The following DHX9 variants were observed in gnomAD, a reference collection of about 807,000 sequenced individuals.
DHX9 encodes the protein DExH-box helicase 9.
Under a neutral mutation model 148.7 loss-of-function variants are expected in DHX9, and 27 were observed. The observed-to-expected ratio is 0.18, with a 90% CI of 0.13 to 0.25. The LOEUF is 0.25. DHX9 is among the 10% of genes least tolerant of loss of function. DHX9 has a pLI of 1.00. For synonymous variants in DHX9, 529 were observed against 516.6 expected, an observed-to-expected ratio of 1.02 and a Z score of -0.33; for missense variants, 796 against 1,559.6, an observed-to-expected ratio of 0.51 and a Z score of 8.25.
At chr1:182,872,756 C>T (rs763632881) in intron 15 of DHX9, among the ~76,000 whole-genome samples, 21 of 152,194 alleles carry the variant, frequency 1.4e-4, no homozygotes, top group Admixed American at 3.9e-4. Flanking sequence ...ACTTATAAAG[C>T]CAAACTTTTA....
At chr1:182,858,080 G>C (rs953563198) in intron 7 of DHX9, 24 bp from the exon 8 acceptor site, 3 of 1,600,294 alleles carry the variant, frequency 1.9e-6, no homozygotes, top group African/African-American at 1.3e-5. Context: ...CTTTCTGTCT[G>C]ATAATCCTGA....
chr1:182,841,062 C>G (rs1667918231), intron 1 of DHX9, among the ~76,000 whole-genome samples: 1 of 152,058 alleles, frequency 6.6e-6, no homozygotes, highest in African/African-American at 2.4e-5. Flanking sequence ...GAGGTTGAGG[C>G]GGGCCGATCA....
intron 3 of DHX9, among the ~76,000 whole-genome samples, chr1:182,846,639 CTG>C (rs1375932064): frequency 3.3e-5 from 5 of 152,284 alleles, no homozygotes; most frequent in South Asian, 4.1e-4. Context: ...ATGTGGTAGT[CTG>C]TGTTTTTAAG....
At chr1:182,869,863 T>G (rs924834684) in intron 14 of DHX9, among the ~76,000 whole-genome samples, 2 of 152,214 alleles carry the variant, frequency 1.3e-5, no homozygotes, top group African/African-American at 2.4e-5. Context: ...CCTGCCAAAG[T>G]GCTGGGATTT....
intron 3 of DHX9, among the ~76,000 whole-genome samples, chr1:182,847,984 ATGGCTCAGG>A (rs1668062585): frequency 6.6e-6 from 1 of 152,182 alleles, no homozygotes; most frequent in Admixed American, 6.5e-5. Flanking sequence ...TTGTTTTAAC[ATGGCTCAGG>A]TGTTTCCTAT....
chr1:182,849,078 C>T (rs529340509), intron 3 of DHX9, among the ~76,000 whole-genome samples: 7 of 152,320 alleles, frequency 4.6e-5, no homozygotes, highest in African/African-American at 1.7e-4. Context: ...CAAACTGTTA[C>T]CAGCTACCAT....
At chr1:182,839,677 TCTC>T (rs1227651461) in intron 1 of DHX9, 5 of 152,292 alleles carry the variant, frequency 3.3e-5, no homozygotes, top group East Asian at 1.9e-4. Flanking sequence ...CCCCCTCCCC[TCTC>T]CTCCGCCCAG....
chr1:182,844,779 A>C (rs2102588278), intron 3 of DHX9, among the ~76,000 whole-genome samples: 1 of 152,262 alleles, frequency 6.6e-6, no homozygotes, highest in Non-Finnish European at 1.5e-5. Flanking sequence ...GGCCTCCCAA[A>C]GTGCTGGGAT....
chr1:182,878,476 CTT>C (rs773433880), intron 20 of DHX9, among the ~76,000 whole-genome samples: 22 of 152,284 alleles, frequency 1.4e-4, no homozygotes, highest in Non-Finnish European at 8.8e-5. Context: ...CTTAACCTCT[CTT>C]GTTTCCTCAG....
intron 20 of DHX9, among the ~76,000 whole-genome samples, chr1:182,878,395 A>G (rs1307585324): frequency 2.6e-5 from 4 of 152,210 alleles, no homozygotes; most frequent in Admixed American, 1.3e-4. Context: ...ATTTGTGCCT[A>G]ATACATTGTA....
intron 26 of DHX9, among the ~76,000 whole-genome samples, chr1:182,884,246 G>A (rs981807159): frequency 6.6e-5 from 10 of 152,086 alleles, no homozygotes; most frequent in African/African-American, 2.4e-4. Context: ...ACTCCAGCGA[G>A]GGCAACAGAG....
intron 1 of DHX9, chr1:182,839,795 G>A (rs1237463917): frequency 1.3e-5 from 2 of 152,362 alleles, no homozygotes; most frequent in African/African-American, 4.8e-5. Context: ...CGCCTGTGGT[G>A]GTTGCCGCCG....
chr1:182,870,340 T>C (rs1648505040), intron 14 of DHX9, among the ~76,000 whole-genome samples: 1 of 152,356 alleles, frequency 6.6e-6, no homozygotes, highest in East Asian at 1.9e-4. Flanking sequence ...GATAGATTTA[T>C]GGCCCCAAAT....
At chr1:182,855,356 A>C (rs1417229617) in intron 6 of DHX9, among the ~76,000 whole-genome samples, 2 of 152,206 alleles carry the variant, frequency 1.3e-5, no homozygotes, top group Non-Finnish European at 2.9e-5. Context: ...GATTTCTGAT[A>C]CAAAGCAGTG....
In DHX9 at chr1:182,852,161, A is replaced by G. The variant is rs73063088; in HGVS notation, c.253-72A>G. The G allele has an allele frequency of 0.013, 11,430 of 892,608 alleles. 679 individuals are homozygous for G. The African/African-American group carries it at 0.15, about 12-fold the overall frequency. The allele number at this position is 892,608 out of a possible 1,614,324, so 55.3% of individuals were successfully genotyped here. ...GAGGTATGACACATGGGTCCTTTTA[A>G]GTATTAAAAGAATTTACTAGTCCCC... On this transcript the variant is annotated intron_variant, in intron 3 of 27. Coordinates refer to ENST00000367549, the MANE Select transcript of DHX9 (RefSeq NM_001357.5).
chr1:182,864,075 G>C (rs939837866), intron 12 of DHX9, among the ~76,000 whole-genome samples: 2 of 152,090 alleles, frequency 1.3e-5, no homozygotes, highest in African/African-American at 4.8e-5. Context: ...GAGGTGGGAG[G>C]ATCGCTTGAA....
intron 3 of DHX9, among the ~76,000 whole-genome samples, chr1:182,849,027 G>A (rs1304125134): frequency 6.6e-6 from 1 of 152,114 alleles, no homozygotes; most frequent in Admixed American, 6.6e-5. Context: ...CCAACATTGA[G>A]GATTAAAATT....
intron 14 of DHX9, among the ~76,000 whole-genome samples, chr1:182,872,095 T>TG (rs1409050121): frequency 6.6e-6 from 1 of 152,222 alleles, no homozygotes; most frequent in East Asian, 1.9e-4. Context: ...TGTGAGCCAC[T>TG]GGGCCTGGCC....
Position 182,866,553 on chromosome 1 carries a change from G to T in DHX9, c.1442G>T (p.Arg481Leu), listed in dbSNP as rs1049249. ...YSVRFESILP[R>L]PHASIMFCTV... Reference sequence around the variant, plus strand: ...GTTCGATTTGAGTCTATACTTCCTCGTCCTCATGCCAGTATAATGTTTTGT... The same window carrying T: ...GTTCGATTTGAGTCTATACTTCCTCTTCCTCATGCCAGTATAATGTTTTGT... The change falls in exon 13 of 28, where the codon CGT becomes CTT. Residue 481 changes from arginine to leucine, a missense_variant. Physicochemically the swap from Arg to Leu is moderately radical, Grantham distance 102. Coordinates refer to ENST00000367549, the MANE Select transcript of DHX9 (RefSeq NM_001357.5). 1 of 1,614,078 alleles carries T rather than the reference G, an allele frequency of 6.2e-7. No individual in the cohort carries two copies.
Sources: allele counts gnomAD v4.1 joint callset (sites outside exome capture counted in the v4.1 genomes callset), GRCh38; gene constraint gnomAD v4.1.1; transcripts MANE v1.5; gene names NCBI Gene and HGNC (gene_info 2026-07-23, HGNC 2026-07-21).